Variants in MRTFB observed in about 807,000 individuals in gnomAD.
MRTFB encodes the protein myocardin-related transcription factor B.
A neutral mutation model predicts 104.2 loss-of-function variants in MRTFB; 29 were observed. That is an observed-to-expected ratio of 0.28 (90% confidence interval 0.21 to 0.38). The LOEUF is 0.38. Ranked by LOEUF, MRTFB falls within the 10% of genes least tolerant of loss-of-function variation. The pLI is 1.00. For missense variants in MRTFB, 1,270 were observed against 1,341.6 expected (o/e 0.95, Z 0.83); for synonymous variants, 535 against 519.5 (o/e 1.03, Z -0.41).
At chr16:14,252,296 C>G (rs533530710) in intron 14 of MRTFB, 69 bp from the exon 15 acceptor site, 1 of 1,562,738 alleles carries the variant, frequency 6.4e-7, no homozygotes, top group South Asian at 1.2e-5. Flanking sequence ...ACAGCAGAGC[C>G]GAGTCTAGCC....
chr16:14,071,262 T>G (rs2033663512), upstream of MRTFB: 1 of 153,034 alleles, frequency 6.5e-6, no homozygotes, highest in East Asian at 1.9e-4. Context: ...GCTTCTAGCC[T>G]GGGGTCCGCG....
intron 16 of MRTFB, among the ~76,000 whole-genome samples, 181 bp downstream of exon 16, chr16:14,258,342 G>A (rs966261008): frequency 6.6e-6 from 1 of 152,176 alleles, no homozygotes; most frequent in African/African-American, 2.4e-5. Context: ...GCCAGGTGCG[G>A]TGGCTCACGT....
At chr16:13,997,087 C>G in the MRTFB span, among the ~76,000 whole-genome samples, 1 of 152,186 alleles carries the variant, frequency 6.6e-6, no homozygotes, top group Admixed American at 6.5e-5. Flanking sequence ...GAGCATCATC[C>G]CATGACATCA....
chr16:14,200,451 G>GAC (rs751962327), intron 3 of MRTFB: 23 of 1,610,092 alleles, frequency 1.4e-5, no homozygotes, highest in Non-Finnish European at 2.0e-5. Flanking sequence ...GTCAAAATCA[G>GAC]ACATCCAGTA....
At chr16:14,202,132 AAG>A (rs1198831801) in intron 3 of MRTFB, among the ~76,000 whole-genome samples, 13 of 152,082 alleles carry the variant, frequency 8.5e-5, no homozygotes, top group Middle Eastern at 3.4e-3. Flanking sequence ...AAAAAAAAAA[AAG>A]AGCTAGATTC....
Position 14,246,842 on chromosome 16 carries a change from G to A in MRTFB, c.1582G>A (p.Glu528Lys), listed in dbSNP as rs748129605. 36 of 1,612,400 alleles carry A rather than the reference G, an allele frequency of 2.2e-5. No individual in the cohort carries two copies. Among genetic ancestry groups the A allele is most frequent in the Non-Finnish European group, 2.9e-5 (34 of 1,180,022 alleles). ...CACAAACATGGCAGACACTTTCACC[G>A]AGATTATGACCATGATGTCGCCTTC... is the stretch of plus-strand genomic sequence containing the variant. ...DDTNMADTFT[E>K]IMTMMSPSQF... Residue 528 changes from glutamate (E) to lysine (K), a missense_variant, in exon 12 of 17, where the codon GAG becomes AAG. Physicochemically the swap from Glu to Lys is moderately conservative, Grantham distance 56. This residue lies in a region of MRTFB where 1,144 missense variants were observed against 1,131.5 expected (regional missense o/e 1.01). Coordinates refer to ENST00000571589, the MANE Select transcript of MRTFB (RefSeq NM_001308142.2).
intron 6 of MRTFB, 150 bp from the exon 7 acceptor site, chr16:14,216,976 T>TTAC: frequency 1.3e-6 from 1 of 767,038 alleles, no homozygotes; most frequent in Non-Finnish European, 1.9e-6. Flanking sequence ...ACTGGAGAAT[T>TTAC]CTTAAACAGT....
At chr16:14,152,502 A>G (rs762468345) in intron 3 of MRTFB, 8 of 152,092 alleles carry the variant, frequency 5.3e-5, no homozygotes, top group East Asian at 1.9e-4. Flanking sequence ...TTGTTTTTCA[A>G]TTAATCTGGA....
At chr16:13,998,426 A>C in the MRTFB span, among the ~76,000 whole-genome samples, 1 of 152,152 alleles carries the variant, frequency 6.6e-6, no homozygotes, top group Non-Finnish European at 1.5e-5. Flanking sequence ...AGGCAGGAGA[A>C]TCTCTTGAGG....
At chr16:14,056,877 C>T in the MRTFB span, among the ~76,000 whole-genome samples, 1 of 152,206 alleles carries the variant, frequency 6.6e-6, no homozygotes, top group Non-Finnish European at 1.5e-5. Context: ...TTCATCATCA[C>T]AGCACTCAGT....
At chr16:14,258,283 A>AT (rs1287292836) in intron 16 of MRTFB, 122 bp downstream of exon 16, 1 of 765,888 alleles carries the variant, frequency 1.3e-6, no homozygotes, top group Non-Finnish European at 2.1e-6. Context: ...TTCTAACTGA[A>AT]TTTACTGTTT....
At position 14,213,635 on chromosome 16, in the gene MRTFB, T is replaced by G; in HGVS notation, c.352+15T>G. The G allele has an allele frequency of 1.3e-6, 2 of 1,504,724 alleles. No homozygotes were observed. The highest frequency in any genetic ancestry group is 1.8e-6 in the Non-Finnish European group (2 of 1,105,556). The allele number at this position is 1,504,724 out of a possible 1,614,324, so 93.2% of individuals were successfully genotyped here. A position where few individuals can be genotyped will look rare whatever the true frequency, so the allele number is the denominator to read the frequency against. On this transcript the variant is annotated intron_variant, in intron 6 of 16. Transcript: ENST00000571589. ...CATTTTAGAAGGTAAAGGATTTATT[T>G]CTTCTTAATCTGCTGTATTTTTTCA...
At chr16:14,066,173 T>C in the MRTFB span, among the ~76,000 whole-genome samples, 5 of 152,148 alleles carry the variant, frequency 3.3e-5, no homozygotes, top group Admixed American at 1.3e-4. Context: ...CTTTATAAAA[T>C]TCTTCTTGGA....
At chr16:14,138,987 G>A (rs2142545477) in intron 2 of MRTFB, among the ~76,000 whole-genome samples, 1 of 152,092 alleles carries the variant, frequency 6.6e-6, no homozygotes, top group Non-Finnish European at 1.5e-5. Flanking sequence ...AAGAAAACAG[G>A]AAGTAATCTT....
chr16:14,206,929 T>TA (rs572155149), intron 3 of MRTFB, among the ~76,000 whole-genome samples: 3,565 of 137,528 alleles, frequency 0.026, 84 homozygotes, highest in African/African-American at 0.066. Flanking sequence ...AGATAAAAGC[T>TA]AAAAAAAAAA....
chr16:14,014,067 G>C, the MRTFB span, among the ~76,000 whole-genome samples: 1 of 152,204 alleles, frequency 6.6e-6, no homozygotes, highest in Non-Finnish European at 1.5e-5. Context: ...CAGAAGGGCA[G>C]GACCCATGTC....
chr16:14,064,740 G>A, the MRTFB span, among the ~76,000 whole-genome samples: 1 of 152,064 alleles, frequency 6.6e-6, no homozygotes, highest in East Asian at 1.9e-4. Flanking sequence ...GCTTGTTTTG[G>A]TCAACTTTGT....
chr16:14,128,112 C>T (rs910852962), intron 2 of MRTFB, among the ~76,000 whole-genome samples: 8 of 151,572 alleles, frequency 5.3e-5, no homozygotes, highest in African/African-American at 1.7e-4. Flanking sequence ...CTCTGAAAAC[C>T]ACCTCCCTGA....
intron 7 of MRTFB, among the ~76,000 whole-genome samples, chr16:14,218,049 G>GT (rs946867054): frequency 1.3e-5 from 2 of 151,898 alleles, no homozygotes; most frequent in Admixed American, 1.3e-4. Context: ...TCCTTGTCAC[G>GT]TTTTTTTGTT....
Sources: allele counts gnomAD v4.1 joint callset (sites outside exome capture counted in the v4.1 genomes callset), GRCh38; gene constraint gnomAD v4.1.1; regional missense constraint gnomAD v4.1.1; transcripts MANE v1.5; gene names NCBI Gene and HGNC (gene_info 2026-07-23, HGNC 2026-07-21).